Variants in NALF1 observed in about 807,000 individuals in gnomAD.
The protein encoded by NALF1 is family with sequence similarity 155 member A.
A neutral mutation model predicts 48.4 loss-of-function variants in NALF1; 3 were observed. The ratio of observed to expected loss-of-function variants is 0.06; its 90% CI spans 0.03 to 0.16. The LOEUF (loss-of-function observed/expected upper bound fraction) is 0.16, where lower values mean the gene tolerates loss of function less well. Among genes scored for constraint, NALF1 ranks in the 10% least tolerant of loss-of-function variants. The pLI is 1.00. For synonymous variants in NALF1, 262 were observed against 245.7 expected (o/e 1.07, Z -0.62); for missense variants, 526 against 571.5 (o/e 0.92, Z 0.81).
At chr13:107,752,555 C>A (rs1178137286) in intron 1 of NALF1, among the ~76,000 whole-genome samples, 2 of 152,148 alleles carry the variant, frequency 1.3e-5, no homozygotes, top group East Asian at 3.9e-4. Flanking sequence ...GGAGGAAATG[C>A]TGTCATTTAA....
rs116251614 is a variant in NALF1 at position 107,720,767 on chromosome 13, G to A, written c.915+144915C>T. On this transcript the variant is annotated intron_variant, in intron 1 of 2. Coordinates refer to ENST00000375915, the MANE Select transcript of NALF1 (RefSeq NM_001080396.3). ...TCTAATCCACGTCCTTTTACTGACC[G>A]ATCACTTTAGAGCACAATCAAGCTG... is the stretch of plus-strand genomic sequence containing the variant. Among the ~76,000 whole-genome samples, 1,425 of 152,164 alleles carry A rather than the reference G, an allele frequency of 9.4e-3. 21 individuals are homozygous for A. Among genetic ancestry groups the A allele is most frequent in the African/African-American group, 0.033 (1,351 of 41,516 alleles).
chr13:107,532,941 C>A (rs985909887), intron 1 of NALF1, among the ~76,000 whole-genome samples: 1 of 151,738 alleles, frequency 6.6e-6, no homozygotes, highest in Non-Finnish European at 1.5e-5. Context: ...AGAAAACAAC[C>A]TAAAAACAGT....
At chr13:107,694,765 T>C (rs1030098552) in intron 1 of NALF1, among the ~76,000 whole-genome samples, 1 of 152,104 alleles carries the variant, frequency 6.6e-6, no homozygotes, top group Non-Finnish European at 1.5e-5. Flanking sequence ...TTGCAACTTC[T>C]CTGTATCTAT....
At chr13:107,384,067 T>A (rs1883484834) in intron 1 of NALF1, among the ~76,000 whole-genome samples, 1 of 151,976 alleles carries the variant, frequency 6.6e-6, no homozygotes, top group Non-Finnish European at 1.5e-5. Flanking sequence ...TGGACAACAA[T>A]GCAAGGTCCC....
chr13:107,675,094 G>T (rs915156418), intron 1 of NALF1, among the ~76,000 whole-genome samples: 2 of 152,200 alleles, frequency 1.3e-5, no homozygotes, highest in Admixed American at 6.5e-5. Context: ...ATTGGGGCTG[G>T]AGAGACATTT....
intron 1 of NALF1, among the ~76,000 whole-genome samples, chr13:107,311,641 A>G (rs1027220336): frequency 6.6e-6 from 1 of 151,864 alleles, no homozygotes; most frequent in African/African-American, 2.4e-5. Flanking sequence ...AAAAGCCTAA[A>G]AATGGGAGAA....
intron 1 of NALF1, among the ~76,000 whole-genome samples, chr13:107,565,971 T>C (rs1288788915): frequency 6.6e-6 from 1 of 152,216 alleles, no homozygotes; most frequent in African/African-American, 2.4e-5. Context: ...GTGTAACATA[T>C]CACTGGCTAG....
chr13:107,481,424 T>G (rs1885252566), intron 1 of NALF1, among the ~76,000 whole-genome samples: 1 of 152,080 alleles, frequency 6.6e-6, no homozygotes, highest in African/African-American at 2.4e-5. Flanking sequence ...CAAACTCAAA[T>G]GAAAAAAGTT....
chr13:107,197,068 C>T (rs1879406629), intron 2 of NALF1, among the ~76,000 whole-genome samples: 1 of 152,034 alleles, frequency 6.6e-6, no homozygotes, highest in Admixed American at 6.6e-5. Context: ...GAACCTGTGG[C>T]TTTGTAAGAA....
intron 1 of NALF1, among the ~76,000 whole-genome samples, chr13:107,798,772 C>A (rs1878511148): frequency 6.6e-6 from 1 of 152,200 alleles, no homozygotes. Flanking sequence ...CTAAGTCTTT[C>A]TAGCTAAGTC....
intron 1 of NALF1, among the ~76,000 whole-genome samples, chr13:107,408,806 T>C (rs1388334176): frequency 1.3e-5 from 2 of 152,262 alleles, no homozygotes; most frequent in Non-Finnish European, 2.9e-5. Flanking sequence ...GAGATTGTTA[T>C]GGAGAGGTTT....
chr13:107,806,354 C>T (rs1442735055), intron 1 of NALF1, among the ~76,000 whole-genome samples: 1 of 152,016 alleles, frequency 6.6e-6, no homozygotes, highest in Non-Finnish European at 1.5e-5. Flanking sequence ...AATGTTAAAA[C>T]ATTCTAGATC....
chr13:107,709,585 A>G (rs896270706), intron 1 of NALF1, among the ~76,000 whole-genome samples: 3 of 152,246 alleles, frequency 2.0e-5, no homozygotes, highest in Non-Finnish European at 4.4e-5. Flanking sequence ...TGCTGACAAG[A>G]TGCCACCTTT....
chr13:107,251,755 G>T (rs2138844969), intron 1 of NALF1, among the ~76,000 whole-genome samples: 1 of 152,330 alleles, frequency 6.6e-6, no homozygotes, highest in African/African-American at 2.4e-5. Context: ...TCCTAGCCAT[G>T]TTTAAGTGGG....
At chr13:107,551,049 T>C (rs1420938591) in intron 1 of NALF1, among the ~76,000 whole-genome samples, 2 of 152,148 alleles carry the variant, frequency 1.3e-5, no homozygotes, top group African/African-American at 4.8e-5. Context: ...ATCACTGCTG[T>C]GTCCTTTCTC....
chr13:107,520,445 G>C (rs1876200822), intron 1 of NALF1, among the ~76,000 whole-genome samples: 1 of 152,198 alleles, frequency 6.6e-6, no homozygotes, highest in Non-Finnish European at 1.5e-5. Context: ...GAGGATTGAA[G>C]CTATACCTGA....
At chr13:107,259,742 C>T (rs932277023) in intron 1 of NALF1, among the ~76,000 whole-genome samples, 2 of 152,140 alleles carry the variant, frequency 1.3e-5, no homozygotes. Flanking sequence ...ACTTAATAAC[C>T]AACTGACTAG....
At chr13:107,844,233 A>C (rs1880113686) in intron 1 of NALF1, among the ~76,000 whole-genome samples, 1 of 128,988 alleles carries the variant, frequency 7.8e-6, no homozygotes, top group African/African-American at 2.8e-5. Flanking sequence ...GCCACAAATA[A>C]AATACAGATA....
chr13:107,741,945 C>G lies in NALF1; in HGVS notation c.915+123737G>C, dbSNP rs1282809122. Among the ~76,000 whole-genome samples, 5 of 152,198 alleles carry G rather than the reference C, an allele frequency of 3.3e-5. No individual in the cohort carries two copies. In the East Asian group the frequency reaches 7.7e-4, roughly 23 times the overall value. ...TAAGGAACAGTTCTCAAACTCATCC[C>G]TACAGAACTTTGGTCTTATGTGGCT... On this transcript the variant is annotated intron_variant, in intron 1 of 2. Coordinates refer to ENST00000375915, the MANE Select transcript of NALF1 (RefSeq NM_001080396.3).
Sources: allele counts gnomAD v4.1 joint callset (sites outside exome capture counted in the v4.1 genomes callset), GRCh38; gene constraint gnomAD v4.1.1; transcripts MANE v1.5; gene names NCBI Gene and HGNC (gene_info 2026-07-23, HGNC 2026-07-21).